Variants in ITGAV observed in about 807,000 individuals in gnomAD.
ITGAV encodes integrin subunit alpha V, also known as integrin alpha-V.
ITGAV carries 76 observed loss-of-function variants against 143.8 expected under a neutral mutation model. That is an observed-to-expected ratio of 0.53 (90% CI 0.44 to 0.64). The LOEUF (loss-of-function observed/expected upper bound fraction) is 0.64. Among genes scored for constraint, ITGAV ranks in the 30% least tolerant of loss-of-function variants. ITGAV has a pLI of 0.00. For synonymous variants in ITGAV, 453 were observed against 446.7 expected (o/e 1.01, Z -0.18); for missense variants, 1,193 against 1,274.7 (o/e 0.94, Z 0.98).
At chr2:186,622,171 T>C (rs1005497099) in intron 2 of ITGAV, among the ~76,000 whole-genome samples, 168 bp from the exon 3 acceptor site, 1 of 152,190 alleles carries the variant, frequency 6.6e-6, no homozygotes, top group Non-Finnish European at 1.5e-5. Context: ...ATGTTTCTGA[T>C]TACTTGAAAG....
intron 26 of ITGAV, among the ~76,000 whole-genome samples, chr2:186,675,386 A>G (rs1188853705): frequency 6.6e-6 from 1 of 152,242 alleles, no homozygotes; most frequent in African/African-American, 2.4e-5. Flanking sequence ...ACAAGGAACT[A>G]CATGTGTGGC....
Position 186,659,748 on chromosome 2 carries a change from AT to A in ITGAV, c.1857+583del, listed in dbSNP as rs1296012288. ...CTCTTTGCCCTAAATTTAGTTTATC[AT>A]TTTTTTTTTGTCTTTCTGAGATCCC... On this transcript the variant is annotated intron_variant, in intron 18 of 29. Transcript: ENST00000261023. Among the ~76,000 whole-genome samples, 431 of 134,570 alleles carry A rather than the reference AT, an allele frequency of 3.2e-3. 1 individual carries two copies. The highest frequency in any genetic ancestry group is 0.011 in the African/African-American group (398 of 37,032). 88.3% of individuals were successfully genotyped at this position (134,570 alleles called of 152,430 possible).
chr2:186,660,357 A>G (rs944858433), intron 18 of ITGAV: 1 of 151,932 alleles, frequency 6.6e-6, no homozygotes, highest in African/African-American at 2.4e-5. Context: ...CTCATTCTTC[A>G]TTGTTTGAAA....
chr2:186,675,711 T>A lies in ITGAV; in HGVS notation c.2814T>A (p.Phe938Leu), dbSNP rs1442229065. ...YVKSLLWTETFMNKENQNHSY... is the reference protein window; with the variant it reads ...YVKSLLWTETLMNKENQNHSY... ...AGTCATTACTGTGGACTGAGACTTT[T>A]ATGAATGTAAGTAGACAGGTGCAGC... is the stretch of plus-strand genomic sequence containing the variant. Residue 938 changes from phenylalanine to leucine, a missense_variant, in exon 27 of 30, where the codon TTT becomes TTA. By Grantham distance (22) the Phe-to-Leu change is conservative (BLOSUM62 0). Transcript: ENST00000261023. The A allele has an allele frequency of 6.2e-7, 1 of 1,608,906 alleles. No homozygotes were observed. The highest frequency in any genetic ancestry group is 1.7e-5 in the Admixed American group (1 of 60,010).
At chr2:186,672,278 C>G (rs183124392) in intron 26 of ITGAV, among the ~76,000 whole-genome samples, 1 of 152,274 alleles carries the variant, frequency 6.6e-6, no homozygotes, top group Admixed American at 6.5e-5. Flanking sequence ...CTGAATAATA[C>G]TCCATTGTGT....
intron 14 of ITGAV, among the ~76,000 whole-genome samples, chr2:186,650,775 C>T (rs988557228): frequency 2.0e-4 from 30 of 152,110 alleles, no homozygotes; most frequent in African/African-American, 7.2e-4. Flanking sequence ...GTCTTGAGCT[C>T]CTGGGCTCAA....
chr2:186,674,331 GATAGTATACTGAA>G (rs1689147249), intron 26 of ITGAV, among the ~76,000 whole-genome samples: 2 of 151,980 alleles, frequency 1.3e-5, no homozygotes, highest in Admixed American at 1.3e-4. Context: ...ATTTCTTATT[GATAGTATACTGAA>G]ATATGACTCA....
intron 2 of ITGAV, among the ~76,000 whole-genome samples, chr2:186,622,131 CTG>C (rs1469844810): frequency 6.6e-6 from 1 of 152,170 alleles, no homozygotes; most frequent in Non-Finnish European, 1.5e-5. Context: ...AATAATAACA[CTG>C]AGACACTTCT....
At chr2:186,602,243 T>C in intron 2 of ITGAV, 92 bp downstream of exon 2, 3 of 982,980 alleles carry the variant, frequency 3.1e-6, no homozygotes, top group Non-Finnish European at 4.5e-6. Flanking sequence ...TTAATACAAT[T>C]ATATAGATAA....
At chr2:186,609,408 C>G (rs1434135789) in intron 2 of ITGAV, among the ~76,000 whole-genome samples, 1 of 152,104 alleles carries the variant, frequency 6.6e-6, no homozygotes, top group Non-Finnish European at 1.5e-5. Context: ...ACACAACTTT[C>G]TTAGCTTTTA....
At chr2:186,601,543 T>C (rs1289621149) in intron 1 of ITGAV, among the ~76,000 whole-genome samples, 4 of 152,090 alleles carry the variant, frequency 2.6e-5, no homozygotes, top group Non-Finnish European at 4.4e-5. Context: ...AAATCATATT[T>C]ATAATTATAC....
intron 13 of ITGAV, 34 bp from the exon 14 acceptor site, chr2:186,649,806 T>C: frequency 6.9e-7 from 1 of 1,441,068 alleles, no homozygotes; most frequent in Non-Finnish European, 9.6e-7. Flanking sequence ...AAAACCATTA[T>C]CATTATTAAC....
intron 13 of ITGAV, among the ~76,000 whole-genome samples, chr2:186,648,664 C>T (rs1278582176): frequency 6.6e-6 from 1 of 151,804 alleles, no homozygotes; most frequent in African/African-American, 2.4e-5. Flanking sequence ...GGGGTTTCAC[C>T]ATGTTGATCA....
chr2:186,668,158 AT>A, intron 24 of ITGAV: 1 of 101,774 alleles, frequency 9.8e-6, no homozygotes, highest in Non-Finnish European at 1.9e-5. Context: ...ACTTTTAAAT[AT>A]TTTGCCTTTT....
intron 17 of ITGAV, 22 bp downstream of exon 17, chr2:186,656,423 A>G: frequency 6.9e-7 from 1 of 1,447,424 alleles, no homozygotes; most frequent in Non-Finnish European, 9.1e-7. Context: ...CTTTTCTGCT[A>G]CCTTGTTGTT....
intron 1 of ITGAV, among the ~76,000 whole-genome samples, chr2:186,598,007 G>A (rs918497332): frequency 2.6e-5 from 4 of 152,130 alleles, no homozygotes; most frequent in African/African-American, 9.7e-5. Flanking sequence ...TTGAGAACCA[G>A]TTCTCCTATC....
chr2:186,665,057 A>G (rs188276165), intron 20 of ITGAV, 69 bp from the exon 21 acceptor site: 39 of 1,027,664 alleles, frequency 3.8e-5, no homozygotes, highest in Non-Finnish European at 5.6e-5. Context: ...AAGAAACTGA[A>G]ATATCCAACT....
intron 16 of ITGAV, 84 bp downstream of exon 16, chr2:186,654,792 T>A (rs1688538605): frequency 3.2e-6 from 2 of 624,924 alleles, no homozygotes; most frequent in Non-Finnish European, 5.7e-6. Flanking sequence ...TTCAAATAGT[T>A]ACTTGAATTG....
intron 17 of ITGAV, among the ~76,000 whole-genome samples, chr2:186,657,793 GT>G (rs1329391390): frequency 6.6e-6 from 1 of 152,040 alleles, no homozygotes; most frequent in African/African-American, 2.4e-5. Flanking sequence ...CAATACAACT[GT>G]CAAAAGAAGA....
Sources: gnomAD v4.1 joint callset for allele counts (sites outside exome capture counted in the v4.1 genomes callset) on GRCh38, gnomAD v4.1.1 for gene constraint, MANE v1.5 for transcripts, NCBI Gene and HGNC (gene_info 2026-07-23, HGNC 2026-07-21) for gene names.